KCNMA1: variants seen among roughly 807,000 people sequenced by gnomAD.
KCNMA1 encodes the protein potassium calcium-activated channel subfamily M alpha 1.
Under a neutral mutation model 140.0 loss-of-function variants are expected in KCNMA1, and 29 were observed. The ratio of observed to expected loss-of-function variants is 0.21; its 90% CI spans 0.15 to 0.28. KCNMA1 has a LOEUF of 0.28. KCNMA1 is among the 10% of genes least tolerant of loss of function. The pLI, the probability that KCNMA1 is intolerant of heterozygous loss-of-function variation, is 1.00. For synonymous variants in KCNMA1, 612 were observed against 611.9 expected (o/e 1.00, Z 0.00); for missense variants, 880 against 1,602.2 (o/e 0.55, Z 7.70).
intron 2 of KCNMA1, among the ~76,000 whole-genome samples, chr10:77,293,409 C>CTA: frequency 6.6e-6 from 1 of 152,170 alleles, no homozygotes; most frequent in South Asian, 2.1e-4. Flanking sequence ...AACGGTGGTT[C>CTA]CCTTGATATC....
chr10:77,195,219 T>C (rs2040062921), intron 3 of KCNMA1, among the ~76,000 whole-genome samples: 1 of 152,162 alleles, frequency 6.6e-6, no homozygotes, highest in Admixed American at 6.5e-5. Context: ...GCCTGGAAGT[T>C]TTGTAAGTTT....
chr10:77,466,687 T>C (rs2098023965), intron 1 of KCNMA1, among the ~76,000 whole-genome samples: 1 of 152,182 alleles, frequency 6.6e-6, no homozygotes. Context: ...TGAATGTAGC[T>C]CTAGTGAGAG....
intron 5 of KCNMA1, among the ~76,000 whole-genome samples, chr10:77,159,547 C>T (rs2098531206): frequency 6.6e-6 from 1 of 152,120 alleles, no homozygotes; most frequent in African/African-American, 2.4e-5. Context: ...TTTCCCTGGT[C>T]TTCTGTCCTT....
intron 5 of KCNMA1, among the ~76,000 whole-genome samples, chr10:77,156,618 C>T (rs995117149): frequency 1.3e-5 from 2 of 152,216 alleles, no homozygotes; most frequent in East Asian, 3.9e-4. Flanking sequence ...ATAAGAGGTG[C>T]CTGAATTCTG....
intron 6 of KCNMA1, among the ~76,000 whole-genome samples, chr10:77,118,900 C>T (rs768489483): frequency 6.6e-6 from 1 of 152,242 alleles, no homozygotes; most frequent in Non-Finnish European, 1.5e-5. Context: ...TCTCAACCAT[C>T]TGGTTATGAC....
intron 9 of KCNMA1, among the ~76,000 whole-genome samples, chr10:77,105,192 A>G (rs1329089458): frequency 1.3e-5 from 2 of 152,234 alleles, no homozygotes; most frequent in African/African-American, 2.4e-5. Context: ...GGGACTGGGT[A>G]TCCTTCAGGA....
At chr10:77,124,607 C>T (rs945400224) in intron 5 of KCNMA1, among the ~76,000 whole-genome samples, 3 of 152,154 alleles carry the variant, frequency 2.0e-5, no homozygotes, top group African/African-American at 7.2e-5. Context: ...GATGCAGGAG[C>T]AAGACCCCTG....
At chr10:77,251,723 C>T (rs909655020) in intron 2 of KCNMA1, among the ~76,000 whole-genome samples, 2 of 152,156 alleles carry the variant, frequency 1.3e-5, no homozygotes, top group African/African-American at 4.8e-5. Flanking sequence ...AAGTACAATT[C>T]ATCAATGACT....
intron 19 of KCNMA1, among the ~76,000 whole-genome samples, chr10:76,984,879 C>T (rs1183874487): frequency 6.6e-6 from 1 of 152,138 alleles, no homozygotes; most frequent in Non-Finnish European, 1.5e-5. Context: ...ACAGCAACAA[C>T]AGTTTTAGAT....
intron 1 of KCNMA1, among the ~76,000 whole-genome samples, chr10:77,496,911 C>A (rs553960512): frequency 6.6e-6 from 1 of 152,162 alleles, no homozygotes; most frequent in Non-Finnish European, 1.5e-5. Context: ...TCTTCCCACT[C>A]GCCATCCTTA....
chr10:76,920,088 G>A (rs1019115841), intron 23 of KCNMA1, among the ~76,000 whole-genome samples: 15 of 127,508 alleles, frequency 1.2e-4, no homozygotes, highest in African/African-American at 4.2e-4. Flanking sequence ...AAGGAAAGAA[G>A]GACTATGGCT....
chr10:77,239,664 T>C (rs2056730789), intron 3 of KCNMA1, among the ~76,000 whole-genome samples: 1 of 152,128 alleles, frequency 6.6e-6, no homozygotes, highest in African/African-American at 2.4e-5. Context: ...CTTCCTACTT[T>C]GAAAATATCT....
intron 1 of KCNMA1, among the ~76,000 whole-genome samples, chr10:77,621,450 C>T (rs1295963850): frequency 2.6e-5 from 4 of 152,008 alleles, no homozygotes; most frequent in South Asian, 2.1e-4. Context: ...GATGAGACTT[C>T]GCTGGTGGGT....
chr10:77,228,724 C>T (rs2052457206), intron 3 of KCNMA1, among the ~76,000 whole-genome samples: 1 of 152,048 alleles, frequency 6.6e-6, no homozygotes, highest in Admixed American at 6.5e-5. Context: ...TGAGTGTAAA[C>T]ACTCTCCCGG....
intron 2 of KCNMA1, among the ~76,000 whole-genome samples, chr10:77,331,055 A>G (rs1022576055): frequency 1.3e-5 from 2 of 152,124 alleles, no homozygotes; most frequent in Non-Finnish European, 2.9e-5. Flanking sequence ...AGGAGGCCAT[A>G]AAACACACTG....
chr10:77,414,615 C>A (rs1225709644), intron 1 of KCNMA1, among the ~76,000 whole-genome samples: 1 of 152,098 alleles, frequency 6.6e-6, no homozygotes, highest in Non-Finnish European at 1.5e-5. Flanking sequence ...CTCAGCCTCC[C>A]AGGTAGCTGG....
intron 24 of KCNMA1, 139 bp from the exon 25 acceptor site, chr10:76,910,235 C>G: frequency 1.1e-6 from 1 of 932,376 alleles, no homozygotes; most frequent in South Asian, 1.4e-5. Flanking sequence ...GTAGATGGAT[C>G]TTTGGGTAAG....
chr10:77,320,057 A>G (rs2081948542), intron 2 of KCNMA1, among the ~76,000 whole-genome samples: 1 of 150,462 alleles, frequency 6.6e-6, no homozygotes, highest in South Asian at 2.1e-4. Context: ...ACCAAACAAA[A>G]GATTCTCCAG....
chr10:77,315,154 T>C (rs2080485262), intron 2 of KCNMA1, among the ~76,000 whole-genome samples: 1 of 152,182 alleles, frequency 6.6e-6, no homozygotes, highest in South Asian at 2.1e-4. Context: ...GAAGGGCATC[T>C]GGGAAGAATT....
Sources: allele counts gnomAD v4.1 joint callset (sites outside exome capture counted in the v4.1 genomes callset), GRCh38; gene constraint gnomAD v4.1.1; transcripts MANE v1.5; gene names NCBI Gene and HGNC (gene_info 2026-07-23, HGNC 2026-07-21).